The following FANK1 variants were observed in gnomAD, a reference collection of about 807,000 sequenced individuals.
FANK1 encodes fibronectin type 3 and ankyrin repeat domains protein 1.
FANK1 carries 44 observed loss-of-function variants against 45.3 expected under a neutral mutation model. The observed-to-expected ratio is 0.97, with a 90% CI of 0.76 to 1.25. The LOEUF (loss-of-function observed/expected upper bound fraction) is 1.25, where lower values mean the gene tolerates loss of function less well. Among genes scored for constraint, FANK1 ranks in the 50% most tolerant of loss-of-function variants. FANK1 has a pLI of 0.00. For synonymous variants in FANK1, 149 were observed against 152.5 expected, an observed-to-expected ratio of 0.98 and a Z score of 0.17; for missense variants, 391 against 424.4, an observed-to-expected ratio of 0.92 and a Z score of 0.69.
At chr10:125,994,767 C>G (rs1467648151) in intron 3 of FANK1, 6 of 985,232 alleles carry the variant, frequency 6.1e-6, no homozygotes, top group Non-Finnish European at 7.2e-6. Context: ...CGCTGTGGAG[C>G]TGATGTCCCC....
At chr10:125,994,284 A>G in intron 3 of FANK1, 9 of 568,322 alleles carry the variant, frequency 1.6e-5, no homozygotes, top group Non-Finnish European at 2.0e-5. Flanking sequence ...GAAAGCAGGC[A>G]CTACAGTGTA....
At chr10:126,000,618 G>A (rs1237555531) in intron 6 of FANK1, among the ~76,000 whole-genome samples, 10 of 152,084 alleles carry the variant, frequency 6.6e-5, no homozygotes, top group Non-Finnish European at 1.5e-4. Flanking sequence ...CATAAAAAAT[G>A]ACCAGAAAAC....
intron 1 of FANK1, among the ~76,000 whole-genome samples, chr10:125,966,334 T>A (rs1402555584): frequency 6.6e-6 from 1 of 152,138 alleles, no homozygotes; most frequent in East Asian, 1.9e-4. Context: ...CAGACTTGCC[T>A]CTTTATCCCG....
chr10:125,999,164 T>C (rs1241047895), intron 6 of FANK1, among the ~76,000 whole-genome samples: 1 of 150,908 alleles, frequency 6.6e-6, no homozygotes, highest in Non-Finnish European at 1.5e-5. Context: ...AAAACAAAAA[T>C]TGGGTGTAAC....
At chr10:125,971,676 C>T (rs573076016) in intron 1 of FANK1, among the ~76,000 whole-genome samples, 4 of 152,132 alleles carry the variant, frequency 2.6e-5, no homozygotes, top group East Asian at 2.0e-4. Flanking sequence ...GGCTGGAGTG[C>T]GGTGGCATGA....
At chr10:125,958,559 C>T (rs1949724573) in intron 1 of FANK1, among the ~76,000 whole-genome samples, 1 of 152,128 alleles carries the variant, frequency 6.6e-6, no homozygotes, top group South Asian at 2.1e-4. Context: ...TTTGAGGAAC[C>T]TCCATACTGT....
Position 125,955,597 on chromosome 10 carries a change from C to T in FANK1, c.14-24564C>T, listed in dbSNP as rs1473453826. 3.3e-5 allele frequency among the ~76,000 whole-genome samples: 5 copies of T among 152,160 alleles called. No homozygotes were observed. In the East Asian group the frequency reaches 9.6e-4, roughly 29 times the overall value. ...CCAGGCTCAAGAGATCCTCCCACCT[C>T]AACCTCCCAAGTAGCTGGGACTACA... On this transcript the variant is annotated intron_variant, in intron 1 of 10. Transcript: ENST00000368693.
chr10:125,905,690 C>G (rs892177076), intron 1 of FANK1, among the ~76,000 whole-genome samples: 3 of 152,108 alleles, frequency 2.0e-5, no homozygotes, highest in Admixed American at 6.5e-5. Context: ...ATAACTCCCC[C>G]CTCTTGCACT....
chr10:125,992,407 G>GT (rs1485744988), intron 3 of FANK1, among the ~76,000 whole-genome samples: 1 of 152,192 alleles, frequency 6.6e-6, no homozygotes, highest in African/African-American at 2.4e-5. Flanking sequence ...CGATTAAGGA[G>GT]TTAACACTGA....
At chr10:126,007,609 G>A (rs1392891559) in intron 7 of FANK1, among the ~76,000 whole-genome samples, 1 of 151,564 alleles carries the variant, frequency 6.6e-6, no homozygotes, top group Non-Finnish European at 1.5e-5. Flanking sequence ...GATCATCTTT[G>A]AGTAATTCTT....
chr10:126,009,054 G>A lies in FANK1; in HGVS notation c.850G>A (p.Val284Met), dbSNP rs781453669. ...KDRNGKTPLMVAVLNNHEELV... is the reference protein window; with the variant it reads ...KDRNGKTPLMMAVLNNHEELV... ...CACCACCCTGGGTTTTGTTTTCTAGGTGGCTGTGTTAAATAATCATGAAGA... is the reference window on the plus strand; with the variant it reads ...CACCACCCTGGGTTTTGTTTTCTAGATGGCTGTGTTAAATAATCATGAAGA... Residue 284 changes from valine (V) to methionine (M), a missense_variant and splice_region_variant, in exon 9 of 11, where the codon GTG (valine) becomes ATG (methionine). Coordinates refer to ENST00000368693, the MANE Select transcript of FANK1 (RefSeq NM_145235.5). 1 of 1,614,040 alleles carries A rather than the reference G, an allele frequency of 6.2e-7. No homozygotes were observed. Among genetic ancestry groups the A allele is most frequent in the Non-Finnish European group, 8.5e-7 (1 of 1,180,022 alleles).
At chr10:125,998,194 G>T (rs1382446965) in intron 6 of FANK1, among the ~76,000 whole-genome samples, 1 of 152,208 alleles carries the variant, frequency 6.6e-6, no homozygotes, top group Non-Finnish European at 1.5e-5. Flanking sequence ...GGCTTCAGGG[G>T]CTGTGGTCAC....
intron 1 of FANK1, among the ~76,000 whole-genome samples, chr10:125,915,018 C>G (rs552532193): frequency 2.0e-5 from 3 of 152,254 alleles, no homozygotes; most frequent in African/African-American, 7.2e-5. Flanking sequence ...ACTCCTATTC[C>G]TTGAGGCTGG....
chr10:125,913,654 G>A (rs148672327), intron 1 of FANK1, among the ~76,000 whole-genome samples: 2 of 152,210 alleles, frequency 1.3e-5, no homozygotes, highest in Admixed American at 6.5e-5. Flanking sequence ...AACATGGTTA[G>A]GCAAGGCAGC....
At position 125,983,406 on chromosome 10, in the gene FANK1, T is replaced by A. The variant is rs527808903; in HGVS notation, c.191+3068T>A. 6.6e-6 allele frequency among the ~76,000 whole-genome samples: 1 copy of A among 152,106 alleles called. No individual in the cohort carries two copies. The highest frequency in any genetic ancestry group is 1.5e-5 in the Non-Finnish European group (1 of 67,998). ...TGGGGATACGGCACTGGGAAAAAAT[T>A]CCTCCCTCATGATGATGAAGGCAAA... On this transcript the variant is annotated intron_variant, in intron 2 of 10. Transcript: ENST00000368693. The surrounding 1 kb of genome is among the most constrained non-coding windows in gnomAD (Gnocchi z 4.3).
intron 1 of FANK1, among the ~76,000 whole-genome samples, chr10:125,925,232 C>A (rs376095497): frequency 2.0e-4 from 30 of 149,382 alleles, no homozygotes; most frequent in African/African-American, 6.4e-4. Flanking sequence ...CATCTGTCAA[C>A]TTTTGCTTTT....
intron 2 of FANK1, among the ~76,000 whole-genome samples, chr10:125,988,009 G>A (rs1951680075): frequency 6.6e-6 from 1 of 152,172 alleles, no homozygotes; most frequent in Admixed American, 6.5e-5. Flanking sequence ...CTTGACCATG[G>A]GGCATGATGT....
At chr10:125,972,329 C>T (rs1468696192) in intron 1 of FANK1, 1 of 152,170 alleles carries the variant, frequency 6.6e-6, no homozygotes, top group East Asian at 1.9e-4. Flanking sequence ...AATGTTTGCA[C>T]TCTGCTAGTC....
intron 1 of FANK1, among the ~76,000 whole-genome samples, chr10:125,951,569 G>C (rs1165369498): frequency 2.0e-5 from 3 of 152,108 alleles, no homozygotes; most frequent in African/African-American, 7.2e-5. Context: ...TTTTCTGTTG[G>C]GAGTATTCTG....
Sources: gnomAD v4.1 joint callset for allele counts (sites outside exome capture counted in the v4.1 genomes callset) on GRCh38, gnomAD v4.1.1 for gene constraint, Gnocchi (gnomAD v3.1) non-coding constraint, MANE v1.5 for transcripts, NCBI Gene and HGNC (gene_info 2026-07-23, HGNC 2026-07-21) for gene names.